LRRTM4: variants seen among roughly 807,000 people sequenced by gnomAD.
The protein encoded by LRRTM4 is leucine-rich repeat transmembrane neuronal protein 4.
In LRRTM4, 25 loss-of-function variants were observed where a neutral mutation model predicts 47.6. The observed-to-expected ratio is 0.53, with a 90% CI of 0.38 to 0.73. The LOEUF (loss-of-function observed/expected upper bound fraction) is 0.73. LRRTM4 is among the 30% of genes least tolerant of loss of function. LRRTM4 has a pLI of 0.00. For missense variants in LRRTM4, 638 were observed against 713.4 expected (o/e 0.89, Z 1.20); for synonymous variants, 311 against 269.5 (o/e 1.15, Z -1.51).
chr2:77,060,517 A>G (rs1402991658), intron 3 of LRRTM4, among the ~76,000 whole-genome samples: 1 of 152,188 alleles, frequency 6.6e-6, no homozygotes, highest in African/African-American at 2.4e-5. Context: ...TCTTATTTGT[A>G]TTAAAATGAC....
intron 3 of LRRTM4, among the ~76,000 whole-genome samples, chr2:76,924,204 A>G (rs1168293155): frequency 6.6e-6 from 1 of 152,134 alleles, no homozygotes; most frequent in Non-Finnish European, 1.5e-5. Context: ...CTAAACACCT[A>G]TTTTAAAACT....
intron 3 of LRRTM4, among the ~76,000 whole-genome samples, chr2:77,246,402 A>G (rs190903149): frequency 3.7e-3 from 560 of 152,296 alleles, no homozygotes; most frequent in African/African-American, 0.012. Flanking sequence ...TAATTGAATC[A>G]GTGTATAAAT....
At chr2:77,453,176 A>ATTTTTTTTTTTTTTTTTTTTTT (rs1162461607) in intron 3 of LRRTM4, among the ~76,000 whole-genome samples, 6 of 99,508 alleles carry the variant, frequency 6.0e-5, no homozygotes, top group Admixed American at 1.1e-4. Context: ...TTTCTTCTTG[A>ATTTTTTTTTTTTTTTTTTTTTT]TTTTTTTTTT....
intron 3 of LRRTM4, among the ~76,000 whole-genome samples, chr2:77,066,165 GAGTT>G (rs1286575766): frequency 1.3e-5 from 2 of 152,126 alleles, no homozygotes; most frequent in African/African-American, 2.4e-5. Context: ...CTCAGATACT[GAGTT>G]AGATTGCTTA....
intron 3 of LRRTM4, among the ~76,000 whole-genome samples, chr2:76,989,578 A>G (rs1320857676): frequency 6.6e-6 from 1 of 151,778 alleles, no homozygotes; most frequent in Non-Finnish European, 1.5e-5. Flanking sequence ...TTCTGGAGCA[A>G]TCTTTCCCTG....
At chr2:76,797,231 C>G (rs944582585) in intron 3 of LRRTM4, among the ~76,000 whole-genome samples, 18 of 152,028 alleles carry the variant, frequency 1.2e-4, no homozygotes, top group Non-Finnish European at 2.4e-4. Context: ...TCGGGTTACC[C>G]TCAAAGGGAA....
chr2:77,165,929 C>G (rs544776551), intron 3 of LRRTM4, among the ~76,000 whole-genome samples: 33 of 152,284 alleles, frequency 2.2e-4, no homozygotes, highest in African/African-American at 6.3e-4. Context: ...CTCACCACTC[C>G]TAGTCAACAT....
intron 3 of LRRTM4, among the ~76,000 whole-genome samples, chr2:76,859,031 C>G (rs1208334536): frequency 1.3e-5 from 2 of 152,212 alleles, no homozygotes; most frequent in Non-Finnish European, 2.9e-5. Context: ...TCTTCAATCT[C>G]AACACACAGA....
intron 3 of LRRTM4, among the ~76,000 whole-genome samples, chr2:77,012,338 G>T (rs183770157): frequency 6.6e-6 from 1 of 151,846 alleles, no homozygotes; most frequent in Non-Finnish European, 1.5e-5. Context: ...GGTTTGAAAC[G>T]GATGTTCTAG....
chr2:76,802,657 C>G (rs1420529701), intron 3 of LRRTM4, among the ~76,000 whole-genome samples: 1 of 151,984 alleles, frequency 6.6e-6, no homozygotes, highest in Non-Finnish European at 1.5e-5. Flanking sequence ...TCCAAAATAT[C>G]TTGGTCCAAA....
At position 77,118,650 on chromosome 2, in the gene LRRTM4, T is replaced by C. The variant is rs551933032; in HGVS notation, c.1552-369734A>G. ...TGATCATCCCTGAATGCAATAGACATGTTTCTGGGAAGAGGAAAGCAGCAA... is the reference window on the plus strand; with the variant it reads ...TGATCATCCCTGAATGCAATAGACACGTTTCTGGGAAGAGGAAAGCAGCAA... On this transcript the variant is annotated intron_variant, in intron 3 of 3. Transcript: ENST00000409884. Among the ~76,000 whole-genome samples, 5 of 151,992 alleles carry C rather than the reference T, an allele frequency of 3.3e-5. No individual in the cohort carries two copies. In the South Asian group the frequency reaches 8.3e-4, roughly 25 times the overall value.
rs550367510 is a variant in LRRTM4, at chr2:77,113,649, G to A, written c.1552-364733C>T. On this transcript the variant is annotated intron_variant, in intron 3 of 3. Coordinates refer to ENST00000409884, the MANE Select transcript of LRRTM4 (RefSeq NM_001134745.3). ...GAGAGTGTGAGAAAGGGGCATTGGG[G>A]GAGCAGAAGAGGCAGAAGTGCACTG... Among the ~76,000 whole-genome samples, 3 of 152,178 alleles carry A rather than the reference G, an allele frequency of 2.0e-5. No individual in the cohort carries two copies. In the South Asian group the frequency reaches 6.2e-4, roughly 32 times the overall value.
chr2:77,238,536 A>G (rs7558341), intron 3 of LRRTM4, among the ~76,000 whole-genome samples: 18,224 of 151,500 alleles, frequency 0.12, 1,647 homozygotes, highest in East Asian at 0.33. Context: ...CTCAAACCAC[A>G]CTAGCAGGCA....
chr2:77,240,653 G>A (rs1342079955), intron 3 of LRRTM4, among the ~76,000 whole-genome samples: 7 of 151,946 alleles, frequency 4.6e-5, no homozygotes, highest in Admixed American at 2.0e-4. Context: ...AATTGTCTAT[G>A]TTAAAAATCC....
intron 3 of LRRTM4, among the ~76,000 whole-genome samples, chr2:77,154,164 T>A (rs1433361885): frequency 6.6e-6 from 1 of 152,202 alleles, no homozygotes; most frequent in Non-Finnish European, 1.5e-5. Context: ...ATAGAAGTTG[T>A]GACATTGGTG....
At chr2:76,860,404 G>C (rs1672278826) in intron 3 of LRRTM4, among the ~76,000 whole-genome samples, 1 of 152,152 alleles carries the variant, frequency 6.6e-6, no homozygotes, top group Non-Finnish European at 1.5e-5. Context: ...GATCCACATA[G>C]TTGGATACAA....
chr2:77,371,288 T>C (rs1473848497), intron 3 of LRRTM4, among the ~76,000 whole-genome samples: 1 of 151,804 alleles, frequency 6.6e-6, no homozygotes, highest in Non-Finnish European at 1.5e-5. Context: ...AAGACCATCA[T>C]AGAACCATTT....
intron 3 of LRRTM4, among the ~76,000 whole-genome samples, chr2:77,314,270 A>G (rs1415789645): frequency 2.0e-5 from 3 of 152,172 alleles, no homozygotes; most frequent in Non-Finnish European, 4.4e-5. Context: ...TGTTTTATAT[A>G]ATTTTGCTAT....
chr2:76,937,859 C>T (rs1270533467), intron 3 of LRRTM4, among the ~76,000 whole-genome samples: 2 of 152,142 alleles, frequency 1.3e-5, no homozygotes, highest in African/African-American at 2.4e-5. Flanking sequence ...AGCCACTGCA[C>T]CCGGCCATCT....
Sources: allele counts gnomAD v4.1 joint callset (sites outside exome capture counted in the v4.1 genomes callset), GRCh38; gene constraint gnomAD v4.1.1; transcripts MANE v1.5; gene names NCBI Gene and HGNC (gene_info 2026-07-23, HGNC 2026-07-21).